Variants in ELAVL2 observed in about 807,000 individuals in gnomAD.
The protein encoded by ELAVL2 is ELAV like RNA binding protein 2.
In ELAVL2, 4 loss-of-function variants were observed where a neutral mutation model predicts 34.6. The ratio of observed to expected loss-of-function variants is 0.12; its 90% CI spans 0.06 to 0.26. The LOEUF is 0.26. Among genes scored for constraint, ELAVL2 ranks in the 10% least tolerant of loss-of-function variants. The probability of loss-of-function intolerance (pLI) is 1.00; values close to 1 mark genes in which losing one functional copy is unlikely to be tolerated. For missense variants in ELAVL2, 432 were observed against 442.8 expected (o/e 0.98, Z 0.22); for synonymous variants, 193 against 154.8 (o/e 1.25, Z -1.83).
the ELAVL2 span, among the ~76,000 whole-genome samples, chr9:23,833,341 A>T: frequency 2.5e-4 from 38 of 151,940 alleles, no homozygotes; most frequent in East Asian, 7.3e-3. Flanking sequence ...ACCAGCTTTA[A>T]TAAGCCCCTT....
intron 3 of ELAVL2, among the ~76,000 whole-genome samples, chr9:23,717,945 G>A (rs1000679893): frequency 6.6e-6 from 1 of 152,108 alleles, no homozygotes; most frequent in Non-Finnish European, 1.5e-5. Context: ...AAAACAACTT[G>A]CAATTAAATA....
chr9:23,762,187 A>T lies in ELAVL2; in HGVS notation c.48T>A (p.Asn16Lys). 1 of 1,613,648 alleles carries T rather than the reference A, an allele frequency of 6.2e-7. No homozygotes were observed. Among genetic ancestry groups the T allele is most frequent in the Non-Finnish European group, 8.5e-7 (1 of 1,179,654 alleles). The change falls in exon 2 of 7, where the codon AAT (asparagine) becomes AAA (lysine). Residue 16 changes from asparagine (N) to lysine (K), a missense_variant. Around this residue, in one of 3 missense-constraint regions of ELAVL2, gnomAD observed 132 missense variants for 118.3 expected, o/e 1.12. Transcript: ENST00000397312. ...AGTTGTTGTTTATGGTGGTTGGACC[A>T]TTGGCTGTGTTATTGCAAGTTGGCC... Reference protein sequence around the residue: ...SNGPTCNNTANGPTTINNNCS... With the variant: ...SNGPTCNNTAKGPTTINNNCS...
chr9:23,792,563 A>C (rs2060448166), intron 1 of ELAVL2, among the ~76,000 whole-genome samples: 1 of 152,106 alleles, frequency 6.6e-6, no homozygotes, highest in South Asian at 2.1e-4. Flanking sequence ...GGCTAGCTTC[A>C]ACTTCCCAAA....
At chr9:23,744,734 C>A (rs11789006) in intron 2 of ELAVL2, among the ~76,000 whole-genome samples, 1 of 151,614 alleles carries the variant, frequency 6.6e-6, no homozygotes, top group Admixed American at 6.6e-5. Flanking sequence ...TTATCCTTCT[C>A]GCGCACCCCC....
intron 2 of ELAVL2, among the ~76,000 whole-genome samples, chr9:23,752,357 G>A (rs1218098736): frequency 3.3e-5 from 5 of 152,150 alleles, no homozygotes; most frequent in African/African-American, 4.8e-5. Context: ...GCAGGAGGAA[G>A]CAAAGGTATT....
intron 5 of ELAVL2, among the ~76,000 whole-genome samples, chr9:23,698,550 T>C (rs1043549964): frequency 2.0e-5 from 3 of 152,144 alleles, no homozygotes; most frequent in East Asian, 1.9e-4. Context: ...CAAGGTACTA[T>C]GAGAACATAA....
intron 5 of ELAVL2, among the ~76,000 whole-genome samples, chr9:23,700,794 T>C (rs1032746272): frequency 6.6e-6 from 1 of 152,088 alleles, no homozygotes; most frequent in Non-Finnish European, 1.5e-5. Context: ...ACATAGGTTA[T>C]ATACCCTTAA....
intron 1 of ELAVL2, among the ~76,000 whole-genome samples, chr9:23,822,239 C>A (rs1315309834): frequency 6.6e-6 from 1 of 151,350 alleles, no homozygotes; most frequent in Non-Finnish European, 1.5e-5. Flanking sequence ...TTTAAAAATT[C>A]TCTTTTTCCC....
rs565455435 is a variant in ELAVL2, at chr9:23,748,301, G to T, written c.229+13705C>A. 2.6e-5 allele frequency among the ~76,000 whole-genome samples: 4 copies of T among 152,266 alleles called. No homozygotes were observed. The South Asian group carries it at 8.3e-4, about 32-fold the overall frequency. ...GGCTTTCTGCCAAGATTTCCTTCAA[G>T]TGCTCAGCAGAGAATGAAGTGAGGT... On this transcript the variant is annotated intron_variant, in intron 2 of 6. Coordinates refer to ENST00000397312, the MANE Select transcript of ELAVL2 (RefSeq NM_004432.5).
In ELAVL2 at chr9:23,691,124, AC is replaced by A. The variant is rs904069071; in HGVS notation, c.*1432del. The A allele has an allele frequency of 6.5e-6, 1 of 152,710 alleles. No homozygotes were observed. The highest frequency in any genetic ancestry group is 2.4e-5 in the African/African-American group (1 of 41,574). The allele number at this position is 152,710 out of a possible 1,614,324, so 9.5% of individuals were successfully genotyped here. A position where few individuals can be genotyped will look rare whatever the true frequency, so the allele number is the denominator to read the frequency against. On this transcript the variant is annotated 3_prime_UTR_variant, in exon 7 of 7. Transcript: ENST00000397312. ...ACAAAATTTGCAACAAATCTGATGC[AC>A]TGTAAATTCAAGTCCTCAGGACAAC...
chr9:23,795,933 C>CG (rs1275330323), intron 1 of ELAVL2, among the ~76,000 whole-genome samples: 3 of 152,126 alleles, frequency 2.0e-5, no homozygotes, highest in Non-Finnish European at 4.4e-5. Flanking sequence ...TCTTACAAAC[C>CG]GGGGGAAAAA....
intron 3 of ELAVL2, among the ~76,000 whole-genome samples, chr9:23,711,069 T>C (rs952394123): frequency 2.0e-5 from 3 of 152,122 alleles, no homozygotes; most frequent in Non-Finnish European, 4.4e-5. Context: ...AAGTTTTCAA[T>C]AAGGAAGGGC....
intron 3 of ELAVL2, among the ~76,000 whole-genome samples, chr9:23,715,085 G>A (rs552880094): frequency 6.6e-6 from 1 of 152,224 alleles, no homozygotes; most frequent in Admixed American, 6.5e-5. Flanking sequence ...CTTATATGAT[G>A]CCTATCTCAC....
intron 2 of ELAVL2, among the ~76,000 whole-genome samples, chr9:23,759,706 A>G (rs2054413828): frequency 6.9e-6 from 1 of 145,550 alleles, no homozygotes; most frequent in South Asian, 2.1e-4. Context: ...TATATACTAT[A>G]TATAGTAGTG....
chr9:23,711,051 C>T (rs1359137604), intron 3 of ELAVL2, among the ~76,000 whole-genome samples: 3 of 152,020 alleles, frequency 2.0e-5, no homozygotes, highest in Non-Finnish European at 2.9e-5. Flanking sequence ...GTATCACAGT[C>T]CAATATTAAG....
chr9:23,762,462 A>T (rs1380186798), intron 1 of ELAVL2, among the ~76,000 whole-genome samples: 1 of 152,118 alleles, frequency 6.6e-6, no homozygotes, highest in Non-Finnish European at 1.5e-5. Context: ...TACATATTCC[A>T]TACATGCATA....
intron 1 of ELAVL2, chr9:23,779,179 T>C (rs1014465472): frequency 2.5e-5 from 25 of 984,716 alleles, no homozygotes; most frequent in Non-Finnish European, 3.0e-5. Context: ...AATTGTATTT[T>C]GGAGGTAAAA....
At chr9:23,723,178 C>A (rs2044175246) in intron 3 of ELAVL2, among the ~76,000 whole-genome samples, 1 of 152,084 alleles carries the variant, frequency 6.6e-6, no homozygotes, top group South Asian at 2.1e-4. Flanking sequence ...ACCCAAATGT[C>A]CAACAATGAT....
chr9:23,815,624 G>C (rs914059031), intron 1 of ELAVL2, among the ~76,000 whole-genome samples: 2 of 152,064 alleles, frequency 1.3e-5, no homozygotes, highest in African/African-American at 4.8e-5. Context: ...ATCTTTACGT[G>C]GTCCTTGAGA....
Sources: allele counts gnomAD v4.1 joint callset (sites outside exome capture counted in the v4.1 genomes callset), GRCh38; gene constraint gnomAD v4.1.1; regional missense constraint gnomAD v4.1.1; transcripts MANE v1.5; gene names NCBI Gene and HGNC (gene_info 2026-07-23, HGNC 2026-07-21).